Variants in DAB1 observed in about 807,000 individuals in gnomAD.
DAB1 encodes DAB adaptor protein 1, also known as disabled homolog 1.
In DAB1, 15 loss-of-function variants were observed where a neutral mutation model predicts 64.6. The ratio of observed to expected loss-of-function variants is 0.23; its 90% CI spans 0.16 to 0.36. DAB1 has a LOEUF of 0.36. Ranked by LOEUF, DAB1 falls within the 10% of genes least tolerant of loss-of-function variation. The pLI, the probability that DAB1 is intolerant of heterozygous loss-of-function variation, is 1.00. For missense variants in DAB1, 596 were observed against 706.7 expected (o/e 0.84, Z 1.78); for synonymous variants, 235 against 251.9 (o/e 0.93, Z 0.64).
intron 4 of DAB1, among the ~76,000 whole-genome samples, chr1:58,231,284 T>C (rs756117876): frequency 1.3e-5 from 2 of 152,208 alleles, no homozygotes; most frequent in African/African-American, 2.4e-5. Flanking sequence ...AACTCAGATA[T>C]AGCCCTAAAA....
chr1:57,344,057 T>C (rs1677887905), intron 1 of DAB1, among the ~76,000 whole-genome samples: 1 of 152,224 alleles, frequency 6.6e-6, no homozygotes. Context: ...ACCAGAAACC[T>C]TTCAGACATT....
At chr1:58,138,671 T>A (rs78665152) in intron 5 of DAB1, among the ~76,000 whole-genome samples, 175 of 152,206 alleles carry the variant, frequency 1.1e-3, no homozygotes, top group African/African-American at 4.1e-3. Context: ...AGAAAAACAA[T>A]GCAATAAAGT....
intron 5 of DAB1, among the ~76,000 whole-genome samples, chr1:57,966,423 C>T (rs1454182889): frequency 6.6e-6 from 1 of 152,100 alleles, no homozygotes. Context: ...AATATGCCAC[C>T]TGGGGAAGAA....
intron 2 of DAB1, among the ~76,000 whole-genome samples, chr1:57,206,094 C>G (rs1299766137): frequency 1.3e-5 from 2 of 152,198 alleles, no homozygotes; most frequent in Non-Finnish European, 2.9e-5. Flanking sequence ...GCTGAGGGTG[C>G]TGGAGCAGGG....
chr1:58,346,126 T>G (rs2100510221), intron 3 of DAB1, among the ~76,000 whole-genome samples: 1 of 152,334 alleles, frequency 6.6e-6, no homozygotes, highest in Non-Finnish European at 1.5e-5. Flanking sequence ...TAGGCCTAAC[T>G]GGATGATAGA....
chr1:58,318,115 T>A (rs1433582758), intron 4 of DAB1, among the ~76,000 whole-genome samples: 1 of 152,180 alleles, frequency 6.6e-6, no homozygotes, highest in African/African-American at 2.4e-5. Flanking sequence ...AATGCTAGAT[T>A]GTGTGGCTCA....
chr1:57,752,862 C>T (rs899708358), intron 6 of DAB1, among the ~76,000 whole-genome samples: 15 of 152,236 alleles, frequency 9.9e-5, no homozygotes, highest in Non-Finnish European at 2.1e-4. Flanking sequence ...ATGCCTGACA[C>T]TTGGTAGGCA....
intron 7 of DAB1, among the ~76,000 whole-genome samples, chr1:57,609,972 G>A (rs542774984): frequency 5.9e-4 from 90 of 152,274 alleles, no homozygotes; most frequent in Non-Finnish European, 9.0e-4. Flanking sequence ...ATGGCTGCAG[G>A]GATGCATATT....
At chr1:57,780,122 A>G (rs1264031382) in intron 6 of DAB1, among the ~76,000 whole-genome samples, 2 of 152,184 alleles carry the variant, frequency 1.3e-5, no homozygotes, top group African/African-American at 4.8e-5. Context: ...ATAAAGACCA[A>G]AACTAGAGCT....
chr1:57,302,256 C>T (rs1333491458), intron 1 of DAB1, among the ~76,000 whole-genome samples: 2 of 152,012 alleles, frequency 1.3e-5, no homozygotes, highest in Non-Finnish European at 2.9e-5. Context: ...CAAAGGATGT[C>T]TTTTTGTTGT....
intron 7 of DAB1, among the ~76,000 whole-genome samples, chr1:57,549,265 G>A (rs1291329959): frequency 6.6e-6 from 1 of 152,108 alleles, no homozygotes; most frequent in African/African-American, 2.4e-5. Flanking sequence ...ACTTCTCCAA[G>A]GCAGGAAATG....
At chr1:57,929,349 T>A (rs1644923563) in intron 5 of DAB1, among the ~76,000 whole-genome samples, 1 of 152,246 alleles carries the variant, frequency 6.6e-6, no homozygotes, top group African/African-American at 2.4e-5. Context: ...TCAAATATGT[T>A]CATAAATGGA....
At chr1:57,077,504 T>C (rs1219240616) in intron 4 of DAB1, among the ~76,000 whole-genome samples, 1 of 152,226 alleles carries the variant, frequency 6.6e-6, no homozygotes, top group African/African-American at 2.4e-5. Context: ...GGATGCTCAA[T>C]ACATGTTCAA....
At chr1:57,350,274 T>C (rs1678472891) in intron 1 of DAB1, among the ~76,000 whole-genome samples, 1 of 152,178 alleles carries the variant, frequency 6.6e-6, no homozygotes, top group Non-Finnish European at 1.5e-5. Context: ...GAATTTGAAG[T>C]ATTGGCCTTA....
At chr1:58,264,121 A>G (rs906021674) in intron 4 of DAB1, among the ~76,000 whole-genome samples, 1 of 152,252 alleles carries the variant, frequency 6.6e-6, no homozygotes, top group Non-Finnish European at 1.5e-5. Context: ...CAAGTTTCCT[A>G]TACTTACCAG....
chr1:57,694,814 C>A (rs1170950484), intron 6 of DAB1, among the ~76,000 whole-genome samples: 2 of 152,082 alleles, frequency 1.3e-5, no homozygotes, highest in African/African-American at 4.8e-5. Flanking sequence ...CTCTGTCCCA[C>A]CCACTCCTCT....
rs752007212 is a variant in DAB1 at position 57,984,187 on chromosome 1, AGAAAG to A, written n.388-100030_388-100026del. Among the ~76,000 whole-genome samples the A allele has an allele frequency of 1.3e-4, 12 of 91,288 alleles. 1 individual carries two copies. Among genetic ancestry groups the A allele is most frequent in the East Asian group, 3.6e-4 (1 of 2,812 alleles). The allele number at this position is 91,288 out of a possible 152,430, so 59.9% of individuals were successfully genotyped here. On this transcript the variant is annotated intron_variant and non_coding_transcript_variant, in intron 5 of 20. Coordinates refer to the DAB1 transcript ENST00000485760. ...AGGGCCCAGGACTAGCTTAAAAAAAAGAAAGAAAGAAAGAAAGAAAGAAAGAAAGA... is the reference window on the plus strand; with the variant it reads ...AGGGCCCAGGACTAGCTTAAAAAAAAAAAGAAAGAAAGAAAGAAAGAAAGA...
chr1:57,496,274 G>T (rs4620568), intron 7 of DAB1, among the ~76,000 whole-genome samples: 2 of 151,916 alleles, frequency 1.3e-5, no homozygotes, highest in Admixed American at 1.3e-4. Context: ...GTTCTAGTGA[G>T]GAGTTTTCAA....
intron 7 of DAB1, among the ~76,000 whole-genome samples, chr1:57,526,678 G>A (rs1488897014): frequency 6.6e-6 from 1 of 152,154 alleles, no homozygotes; most frequent in Non-Finnish European, 1.5e-5. Flanking sequence ...TGGTAAATAA[G>A]AAAGATATAT....
Sources: allele counts gnomAD v4.1 joint callset (sites outside exome capture counted in the v4.1 genomes callset), GRCh38; gene constraint gnomAD v4.1.1; transcripts MANE v1.5; gene names NCBI Gene and HGNC (gene_info 2026-07-23, HGNC 2026-07-21).